The following ZFP30 variants were observed in gnomAD, a reference collection of about 807,000 sequenced individuals.
ZFP30 encodes the protein zinc finger protein 30 homolog.
ZFP30 carries 16 observed loss-of-function variants against 12.3 expected under a neutral mutation model. The ratio of observed to expected loss-of-function variants is 1.30; its 90% CI spans 0.88 to 1.98. ZFP30 has a LOEUF of 1.98. Among genes scored for constraint, ZFP30 ranks in the 30% most tolerant of loss-of-function variants. The pLI is 0.00. For synonymous variants in ZFP30, 172 were observed against 201.0 expected (o/e 0.86, Z 1.22); for missense variants, 560 against 611.2 (o/e 0.92, Z 0.88).
In ZFP30 at chr19:37,635,217, C is replaced by G. The variant is rs1355232060; in HGVS notation, c.1324G>C (p.Glu442Gln). ...AGCAGTCTAAAAGTCTTCTCACATTCCTTACACTTAAAGGGTTTCTCACCA... is the reference window on the plus strand; with the variant it reads ...AGCAGTCTAAAAGTCTTCTCACATTGCTTACACTTAAAGGGTTTCTCACCA... The part of the protein sequence containing the change: ...HFGEKPFKCK[E>Q]CEKTFRLLSQ... The change falls in exon 6 of 6, where the codon GAA becomes CAA. Residue 442 changes from glutamate (E) to glutamine (Q), a missense_variant. Transcript: ENST00000684514. 1 of 1,613,822 alleles carries G rather than the reference C, an allele frequency of 6.2e-7. No individual in the cohort carries two copies. The highest frequency in any genetic ancestry group is 8.5e-7 in the Non-Finnish European group (1 of 1,179,840).
At chr19:37,641,414 A>T (rs117743344) in intron 5 of ZFP30, among the ~76,000 whole-genome samples, 1 of 152,152 alleles carries the variant, frequency 6.6e-6, no homozygotes, top group Non-Finnish European at 1.5e-5. Context: ...TTTTCTTTTT[A>T]TCTCTCAGTA....
At chr19:37,643,121 G>T in intron 5 of ZFP30, 144 bp downstream of exon 5, 54 of 467,204 alleles carry the variant, frequency 1.2e-4, no homozygotes, top group Middle Eastern at 4.1e-4. Context: ...AAATGTCTTT[G>T]ATGGCTCATG....
At chr19:37,642,193 A>G (rs981335630) in intron 5 of ZFP30, among the ~76,000 whole-genome samples, 1 of 152,210 alleles carries the variant, frequency 6.6e-6, no homozygotes, top group East Asian at 1.9e-4. Context: ...ACTTTTATTA[A>G]GAGAAACATA....
Position 37,636,029 on chromosome 19 carries a change from T to C in ZFP30, c.512A>G (p.Gln171Arg). The C allele has an allele frequency of 6.2e-7, 1 of 1,614,040 alleles. No individual in the cohort carries two copies. The highest frequency in any genetic ancestry group is 8.5e-7 in the Non-Finnish European group (1 of 1,179,990). The change falls in exon 6 of 6, where the codon CAA becomes CGA. Residue 171 changes from glutamine to arginine, a missense_variant. Transcript: ENST00000684514. ...AATTCTTTGATGGAAAGTAAGTTGTTGTCGTACTCTAAAAGCCTTCCCACA... is the reference window on the plus strand; with the variant it reads ...AATTCTTTGATGGAAAGTAAGTTGTCGTCGTACTCTAAAAGCCTTCCCACA... ...GECGKAFRVR[Q>R]QLTFHQRIHT...
chr19:37,644,827 A>G (rs1475118515), intron 3 of ZFP30, 91 bp from the exon 4 acceptor site: 2 of 1,316,234 alleles, frequency 1.5e-6, no homozygotes, highest in South Asian at 1.5e-5. Flanking sequence ...CTCAATGCTT[A>G]TAATTCTAGC....
chr19:37,636,379 A>T, intron 5 of ZFP30, 74 bp from the exon 6 acceptor site: 1 of 1,295,656 alleles, frequency 7.7e-7, no homozygotes. Flanking sequence ...TATAATAGAA[A>T]TCGGTGACCA....
chr19:37,646,709 G>A (rs944848841), intron 3 of ZFP30, among the ~76,000 whole-genome samples: 2 of 152,246 alleles, frequency 1.3e-5, no homozygotes. Flanking sequence ...CCAAATTGCT[G>A]AGACCACAGG....
At chr19:37,639,798 T>A (rs374296162) in intron 5 of ZFP30, among the ~76,000 whole-genome samples, 4 of 148,834 alleles carry the variant, frequency 2.7e-5, no homozygotes, top group Non-Finnish European at 4.5e-5. Flanking sequence ...AAGGTTTTCA[T>A]AAAAAAAAAA....
chr19:37,646,283 T>C (rs2044542798), intron 3 of ZFP30, among the ~76,000 whole-genome samples: 2 of 152,208 alleles, frequency 1.3e-5, no homozygotes, highest in South Asian at 4.1e-4. Context: ...CTGTACTCCA[T>C]CTGATGGATA....
chr19:37,652,887 G>A (rs1390718842), intron 2 of ZFP30, among the ~76,000 whole-genome samples: 3 of 152,042 alleles, frequency 2.0e-5, no homozygotes, highest in African/African-American at 4.8e-5. Context: ...GGAGGCCGAG[G>A]CAGGTGGATC....
chr19:37,653,118 CAAAA>C (rs372066359), intron 2 of ZFP30, among the ~76,000 whole-genome samples: 2 of 48,654 alleles, frequency 4.1e-5, no homozygotes, highest in Non-Finnish European at 4.3e-5. Flanking sequence ...AACTCCGTCT[CAAAA>C]AAAAAAAAAA....
chr19:37,652,002 GA>G (rs972439485), intron 2 of ZFP30, among the ~76,000 whole-genome samples: 1 of 151,962 alleles, frequency 6.6e-6, no homozygotes, highest in Non-Finnish European at 1.5e-5. Flanking sequence ...TTGAACAGAT[GA>G]AAAAAACTCT....
chr19:37,643,236 T>A, intron 5 of ZFP30, 29 bp downstream of exon 5: 1 of 1,582,470 alleles, frequency 6.3e-7, no homozygotes, highest in Non-Finnish European at 8.6e-7. Flanking sequence ...CATGCCATAA[T>A]GGCTGACCTC....
chr19:37,646,047 A>G (rs565042598), intron 3 of ZFP30, among the ~76,000 whole-genome samples: 7 of 152,244 alleles, frequency 4.6e-5, no homozygotes, highest in East Asian at 1.9e-4. Context: ...TAAACAATTC[A>G]TAAGTTTTCA....
rs1461848855 is a variant in ZFP30, at chr19:37,647,795, G to C, written c.9+19C>G. On this transcript the variant is annotated intron_variant, in intron 3 of 5. Coordinates refer to ENST00000684514, the MANE Select transcript of ZFP30 (RefSeq NM_001320669.3). ...AAAAAAATGACAGAATTCCAAAGTA[G>C]AGAGAAATTCCAACTTACACGAGCC... 3.7e-6 allele frequency: 6 copies of C among 1,613,828 alleles called. No individual in the cohort carries two copies. In the African/African-American group the frequency reaches 6.7e-5, roughly 18 times the overall value.
At chr19:37,636,592 C>G (rs1021348388) in intron 5 of ZFP30, among the ~76,000 whole-genome samples, 6 of 152,172 alleles carry the variant, frequency 3.9e-5, no homozygotes, top group African/African-American at 1.4e-4. Flanking sequence ...AATACTTTAT[C>G]AGGAGTAACA....
rs2044246442 is a variant in ZFP30 at position 37,632,304 on chromosome 19, ACC to A, written c.*2675_*2676del. 3 of 152,070 alleles carry A rather than the reference ACC, an allele frequency of 2.0e-5. No individual in the cohort carries two copies. Among genetic ancestry groups the A allele is most frequent in the Non-Finnish European group, 2.9e-5 (2 of 67,990 alleles). 9.4% of individuals were successfully genotyped at this position (152,070 alleles called of 1,614,324 possible). On this transcript the variant is annotated 3_prime_UTR_variant, in exon 6 of 6. Coordinates refer to ENST00000684514, the MANE Select transcript of ZFP30 (RefSeq NM_001320669.3). Reference sequence around the variant, plus strand: ...TGTGTGTATAAATATAAATATATATACCTACACACTATACACACACACATTAC... The same window carrying A: ...TGTGTGTATAAATATAAATATATATATACACACTATACACACACACATTAC...
rs938416249 is a variant in ZFP30, at chr19:37,643,067, A to G, written c.235+198T>C. Among the ~76,000 whole-genome samples, 5 of 151,280 alleles carry G rather than the reference A, an allele frequency of 3.3e-5. No individual in the cohort carries two copies. In the East Asian group the frequency reaches 5.8e-4, roughly 17 times the overall value. On this transcript the variant is annotated intron_variant, in intron 5 of 5. Transcript: ENST00000684514. Reference sequence around the variant, plus strand: ...GACTCCGTCTCAAAAAAAAAAAAAAAAAAAGAAAAAAAAAGAAACGAGTGA... The same window carrying G: ...GACTCCGTCTCAAAAAAAAAAAAAAGAAAAGAAAAAAAAAGAAACGAGTGA...
rs375879129 is a variant in ZFP30 at position 37,652,584 on chromosome 19, T to G, written c.-78+2128A>C. 2.6e-4 allele frequency among the ~76,000 whole-genome samples: 39 copies of G among 152,004 alleles called. No homozygotes were observed. The East Asian group carries it at 6.8e-3, about 26-fold the overall frequency. The stretch of plus-strand genomic sequence containing the variant: ...ACTCCACCTCAAAAAAATAAATAAA[T>G]AAATAAAACCACACACAAAACCACA... On this transcript the variant is annotated intron_variant, in intron 2 of 5. Transcript: ENST00000684514.
Sources: allele counts gnomAD v4.1 joint callset (sites outside exome capture counted in the v4.1 genomes callset), GRCh38; gene constraint gnomAD v4.1.1; transcripts MANE v1.5; gene names NCBI Gene and HGNC (gene_info 2026-07-23, HGNC 2026-07-21).